Variants in ZFAND2A observed in about 807,000 individuals in gnomAD.
ZFAND2A encodes the protein AN1-type zinc finger protein 2A.
ZFAND2A carries 20 observed loss-of-function variants against 11.6 expected under a neutral mutation model. That is an observed-to-expected ratio of 1.72 (90% CI 1.21 to 2.50). ZFAND2A has a LOEUF of 2.50. ZFAND2A is among the 30% of genes most tolerant of loss of function. The pLI is 0.00. For synonymous variants in ZFAND2A, 93 were observed against 60.6 expected (o/e 1.54, Z -2.48); for missense variants, 234 against 182.9 (o/e 1.28, Z -1.61).
chr7:1,157,302 G>A (rs1036584636), intron 3 of ZFAND2A: 10 of 168,460 alleles, frequency 5.9e-5, no homozygotes, highest in African/African-American at 1.7e-4. Flanking sequence ...TGCATCTGGT[G>A]AAGACACAGC....
chr7:1,153,173 G>C lies in ZFAND2A; in HGVS notation c.334C>G (p.Gln112Glu). 6.2e-7 allele frequency: 1 copy of C among 1,614,166 alleles called. No individual in the cohort carries two copies. Among genetic ancestry groups the C allele is most frequent in the Non-Finnish European group, 8.5e-7 (1 of 1,180,002 alleles). ...CCGTGACATTGGGCACATACCATCT[G>C]CAGCATCTCTTTCTTCTTGCAGCCC... Reference protein sequence around the residue: ...KEGCKKKEMLQMVCAQCHGNF... With the variant: ...KEGCKKKEMLEMVCAQCHGNF... Residue 112 changes from glutamine (Q) to glutamate (E), a missense_variant, in exon 5 of 5, where the codon CAG (glutamine) becomes GAG (glutamate). Coordinates refer to ENST00000316495, the MANE Select transcript of ZFAND2A (RefSeq NM_182491.4).
downstream of ZFAND2A, among the ~76,000 whole-genome samples, chr7:1,151,052 G>C (rs1247688750): frequency 3.3e-5 from 5 of 152,010 alleles, no homozygotes; most frequent in African/African-American, 1.2e-4. Flanking sequence ...CACCACACCT[G>C]GCTAATTTTT....
At chr7:1,149,916 G>A (rs979595253), downstream of ZFAND2A, among the ~76,000 whole-genome samples, 1 of 149,414 alleles carries the variant, frequency 6.7e-6, no homozygotes, top group Admixed American at 6.7e-5. Flanking sequence ...GCAATGGCAC[G>A]ATCTCTGCTC....
downstream of ZFAND2A, among the ~76,000 whole-genome samples, chr7:1,150,916 C>G (rs1793386828): frequency 7.8e-6 from 1 of 128,890 alleles, no homozygotes; most frequent in African/African-American, 3.2e-5. Flanking sequence ...GAGATTCAGT[C>G]TTGCTCTGTT....
At chr7:1,149,314 GCA>G (rs1350763955), downstream of ZFAND2A, among the ~76,000 whole-genome samples, 3 of 152,192 alleles carry the variant, frequency 2.0e-5, no homozygotes, top group Non-Finnish European at 4.4e-5. Context: ...TTGCTCCACA[GCA>G]CACGAGGCCA....
chr7:1,155,620 C>A, intron 3 of ZFAND2A, 36 bp from the exon 4 acceptor site: 2 of 1,605,294 alleles, frequency 1.2e-6, no homozygotes, highest in South Asian at 2.2e-5. Context: ...ATCTGAGACT[C>A]ATGCAACTTA....
chr7:1,153,266 G>C (rs1793442766), intron 4 of ZFAND2A, 42 bp from the exon 5 acceptor site: 1 of 1,597,822 alleles, frequency 6.3e-7, no homozygotes, highest in Admixed American at 1.7e-5. Context: ...TCTTTTTTTG[G>C]AGACAGGGTC....
downstream of ZFAND2A, chr7:1,152,291 A>G: frequency 6.3e-7 from 1 of 1,585,688 alleles, no homozygotes; most frequent in East Asian, 2.3e-5. Flanking sequence ...GCCAGGAGCC[A>G]GGGTGAGGAA....
At chr7:1,150,901 T>C (rs957934727), downstream of ZFAND2A, among the ~76,000 whole-genome samples, 10 of 149,900 alleles carry the variant, frequency 6.7e-5, no homozygotes, top group African/African-American at 2.5e-4. Flanking sequence ...TTTTTTTTTT[T>C]TTTTGAGATT....
Position 1,153,226 on chromosome 7 carries a change from T to A in ZFAND2A, c.283-2A>T. On this transcript the variant is annotated splice_acceptor_variant, in intron 4 of 4. Transcript: ENST00000316495. LOFTEE classifies it high-confidence loss of function. ...TTTTGAGCAACGGTATGTAAAAATC[T>A]AAGAGAGCAAAGTGACTTCAACAAG... The A allele has an allele frequency of 6.2e-7, 1 of 1,610,574 alleles. No homozygotes were observed.
chr7:1,154,183 A>ATT (rs141971953), intron 4 of ZFAND2A, among the ~76,000 whole-genome samples: 21 of 128,848 alleles, frequency 1.6e-4, no homozygotes, highest in Middle Eastern at 4.0e-3. Flanking sequence ...CCCACCGGTC[A>ATT]TTTTTTTTTT....
At chr7:1,156,879 T>C (rs931245325) in intron 3 of ZFAND2A, 1 of 152,444 alleles carries the variant, frequency 6.6e-6, no homozygotes, top group African/African-American at 2.4e-5. Flanking sequence ...CTGGGCAGTC[T>C]GGCTTAGTCA....
At chr7:1,158,923 T>C (rs1793602139) in intron 1 of ZFAND2A, among the ~76,000 whole-genome samples, 1 of 151,884 alleles carries the variant, frequency 6.6e-6, no homozygotes, top group Admixed American at 6.6e-5. Flanking sequence ...TCCCGTCATC[T>C]AGTACTCACC....
downstream of ZFAND2A, among the ~76,000 whole-genome samples, chr7:1,151,762 T>TTAAAAAAAAAAAAAAAA (rs1554344524): frequency 1.1e-4 from 10 of 87,180 alleles, no homozygotes; most frequent in African/African-American, 4.4e-4. Flanking sequence ...TCATCCCTTT[T>TTAAAAAAAAAAAAAAAA]AAAAAAAAAA....
chr7:1,149,531 T>C (rs1445765456), downstream of ZFAND2A, among the ~76,000 whole-genome samples: 1 of 152,132 alleles, frequency 6.6e-6, no homozygotes, highest in Non-Finnish European at 1.5e-5. Flanking sequence ...ACAGACACCA[T>C]GAAATAAGCA....
downstream of ZFAND2A, among the ~76,000 whole-genome samples, chr7:1,149,014 T>C (rs980312816): frequency 6.6e-6 from 1 of 151,784 alleles, no homozygotes; most frequent in Non-Finnish European, 1.5e-5. Context: ...CCCAGTCCTA[T>C]CTCAAACATC....
chr7:1,150,553 T>C (rs1793379513), downstream of ZFAND2A, among the ~76,000 whole-genome samples: 1 of 152,216 alleles, frequency 6.6e-6, no homozygotes, highest in Non-Finnish European at 1.5e-5. Context: ...TGTTCATCAC[T>C]TCACAAAATC....
chr7:1,156,610 G>A (rs1793530992), intron 3 of ZFAND2A, among the ~76,000 whole-genome samples: 2 of 151,952 alleles, frequency 1.3e-5, no homozygotes, highest in South Asian at 4.1e-4. Context: ...CCGCCCAGCA[G>A]CTAACGCCCA....
chr7:1,152,811 G>A, downstream of ZFAND2A: 2 of 592,006 alleles, frequency 3.4e-6, no homozygotes, highest in Admixed American at 2.7e-5. Flanking sequence ...TGGACCTCCA[G>A]CCCCCAGAAC....
Sources: allele counts gnomAD v4.1 joint callset (sites outside exome capture counted in the v4.1 genomes callset), GRCh38; gene constraint gnomAD v4.1.1; transcripts MANE v1.5; gene names NCBI Gene and HGNC (gene_info 2026-07-23, HGNC 2026-07-21).